MYO9A: variants seen among roughly 807,000 people sequenced by gnomAD.
MYO9A encodes the protein myosin IXA.
A neutral mutation model predicts 293.3 loss-of-function variants in MYO9A; 103 were observed. That is an observed-to-expected ratio of 0.35 (90% CI 0.30 to 0.41). MYO9A has a LOEUF of 0.41. MYO9A is among the 10% of genes least tolerant of loss of function. The pLI is 1.00. For synonymous variants in MYO9A, 1,001 were observed against 1,035.7 expected (o/e 0.97, Z 0.64); for missense variants, 2,685 against 3,033.0 (o/e 0.89, Z 2.69).
In MYO9A at chr15:71,924,814, G is replaced by T. The variant is rs566908205; in HGVS notation, c.2563-8322C>A. 8.5e-5 allele frequency among the ~76,000 whole-genome samples: 13 copies of T among 152,102 alleles called. No homozygotes were observed. The South Asian group carries it at 2.3e-3, about 27-fold the overall frequency. On this transcript the variant is annotated intron_variant, in intron 18 of 41. Coordinates refer to ENST00000356056, the MANE Select transcript of MYO9A (RefSeq NM_006901.4). Reference sequence around the variant, plus strand: ...ACATGCCTGTAACCCCAGCTATTTGGGAGGTTGAGGCAGGAGAATCGCTTG... The same window carrying T: ...ACATGCCTGTAACCCCAGCTATTTGTGAGGTTGAGGCAGGAGAATCGCTTG...
In MYO9A at chr15:71,906,758, C is replaced by CTTTTTTTTTTTTTTTTT. The variant is rs71131714; in HGVS notation, c.2686-1769_2686-1753dup. On this transcript the variant is annotated intron_variant, in intron 19 of 41. Coordinates refer to ENST00000356056, the MANE Select transcript of MYO9A (RefSeq NM_006901.4). ...CCAATCAGATAATATCCATTTCTTT[C>CTTTTTTTTTTTTTTTTT]TTTTTTTTTTTTTTTTTTTTCCTGA... Among the ~76,000 whole-genome samples the CTTTTTTTTTTTTTTTTT allele has an allele frequency of 3.1e-4, 19 of 61,032 alleles. 1 individual carries two copies. Among genetic ancestry groups the CTTTTTTTTTTTTTTTTT allele is most frequent in the African/African-American group, 1.2e-3 (19 of 15,724 alleles). 40.0% of individuals were successfully genotyped at this position (61,032 alleles called of 152,430 possible). A position where few individuals can be genotyped will look rare whatever the true frequency, so the allele number is the denominator to read the frequency against.
At position 72,117,867 on chromosome 15, in the gene MYO9A, T is replaced by A. The variant is rs2081058606; in HGVS notation, c.-259A>T. 1 of 398,118 alleles carries A rather than the reference T, an allele frequency of 2.5e-6. No homozygotes were observed. 24.7% of individuals were successfully genotyped at this position (398,118 alleles called of 1,614,324 possible). A position where few individuals can be genotyped will look rare whatever the true frequency, so the allele number is the denominator to read the frequency against. On this transcript the variant is annotated 5_prime_UTR_variant, in exon 1 of 42. Coordinates refer to ENST00000356056, the MANE Select transcript of MYO9A (RefSeq NM_006901.4). ...AGCGGCCGCGGCGCATCCCCCGCCC[T>A]GTCAGAGAGACTCCGCCCGGCCTGA...
intron 23 of MYO9A, 24 bp downstream of exon 23, chr15:71,901,167 T>G (rs768113946): frequency 3.5e-5 from 56 of 1,597,298 alleles, no homozygotes; most frequent in Non-Finnish European, 4.4e-5. Context: ...GTCAATCTCA[T>G]GCAAAGAATC....
In MYO9A at chr15:71,843,798, T is replaced by G. The variant is rs977913605; in HGVS notation, c.6837+5047A>C. 4.6e-5 allele frequency among the ~76,000 whole-genome samples: 7 copies of G among 152,336 alleles called. No homozygotes were observed. The South Asian group carries it at 6.2e-4, about 14-fold the overall frequency. Reference sequence around the variant, plus strand: ...TTTTTGGCTATTCTTATTGAGAACCTTGAAGACGACCCAGGAGGAAATTGT... The same window carrying G: ...TTTTTGGCTATTCTTATTGAGAACCGTGAAGACGACCCAGGAGGAAATTGT... On this transcript the variant is annotated intron_variant, in intron 39 of 41. Coordinates refer to ENST00000356056, the MANE Select transcript of MYO9A (RefSeq NM_006901.4).
At chr15:71,832,446 C>T (rs1410055591) in intron 39 of MYO9A, among the ~76,000 whole-genome samples, 1 of 151,996 alleles carries the variant, frequency 6.6e-6, no homozygotes, top group Non-Finnish European at 1.5e-5. Context: ...AAAAAAAAGA[C>T]TTAAAAGCGT....
intron 26 of MYO9A, chr15:71,890,839 T>G (rs1292854187): frequency 6.7e-6 from 1 of 149,892 alleles, no homozygotes; most frequent in Admixed American, 6.8e-5. Flanking sequence ...ATGACACACT[T>G]CAGAGTAATA....
rs534726955 is a variant in MYO9A, at chr15:72,113,266, A to C, written c.-72+4414T>G. 3.9e-5 allele frequency among the ~76,000 whole-genome samples: 6 copies of C among 152,332 alleles called. No individual in the cohort carries two copies. In the East Asian group the frequency reaches 1.2e-3, roughly 29 times the overall value. On this transcript the variant is annotated intron_variant, in intron 1 of 41. Transcript: ENST00000356056. ...AGAATGGTACCTAACTTAATCTGAA[A>C]AGAGGTAAAGGAAATCTTCCTGAAG... is the stretch of plus-strand genomic sequence containing the variant.
intron 15 of MYO9A, among the ~76,000 whole-genome samples, chr15:71,948,360 T>C (rs2058970363): frequency 6.6e-6 from 1 of 152,242 alleles, no homozygotes; most frequent in Non-Finnish European, 1.5e-5. Context: ...GTCCATGGCC[T>C]AAACCAAACC....
At chr15:71,914,217 G>A (rs2057944675) in intron 19 of MYO9A, among the ~76,000 whole-genome samples, 1 of 152,082 alleles carries the variant, frequency 6.6e-6, no homozygotes, top group Admixed American at 6.5e-5. Context: ...CTGAGCCGTA[G>A]CAAATCATCT....
chr15:72,098,608 T>A (rs2080144434), intron 1 of MYO9A, among the ~76,000 whole-genome samples: 1 of 151,406 alleles, frequency 6.6e-6, no homozygotes, highest in Admixed American at 6.6e-5. Flanking sequence ...GGAAAAAAAA[T>A]TAGAGAGCTA....
At chr15:71,897,209 A>G (rs2057355828) in intron 25 of MYO9A, 1 of 463,666 alleles carries the variant, frequency 2.2e-6, no homozygotes, top group South Asian at 3.9e-5. Context: ...ACTGCCCTTC[A>G]CAAATGCTTC....
At position 71,875,795 on chromosome 15, in the gene MYO9A, T is replaced by G; in HGVS notation, c.5975A>C (p.Asp1992Ala). 5.1e-6 allele frequency: 7 copies of G among 1,365,954 alleles called. No homozygotes were observed. Among genetic ancestry groups the G allele is most frequent in the Non-Finnish European group, 6.7e-6 (7 of 1,048,366 alleles). The allele number at this position is 1,365,954 out of a possible 1,614,324, so 84.6% of individuals were successfully genotyped here. The stretch of plus-strand genomic sequence containing the variant: ...AAAAAACAGATTATAACTTACCAAA[T>G]CAGTTTCCTTTTTCCTTCTTTTCTT... ...ERKKRRKKET[D>A]LVEEHNGHIF... The change falls in exon 32 of 42, where the codon GAT (aspartate) becomes GCT (alanine). Residue 1992 changes from aspartate to alanine, a missense_variant. Asp to Ala is a moderately radical substitution (Grantham distance 126). Around this residue, in one of 10 missense-constraint regions of MYO9A, gnomAD observed 1,434 missense variants for 1,497.7 expected, o/e 0.96. Transcript: ENST00000356056.
intron 18 of MYO9A, among the ~76,000 whole-genome samples, chr15:71,919,302 G>A (rs376404323): frequency 1.2e-3 from 175 of 151,948 alleles, no homozygotes; most frequent in African/African-American, 3.5e-3. Context: ...TTAGCCAGGC[G>A]TGGTGGCGAG....
chr15:72,078,133 AACAT>A (rs2079428869), intron 1 of MYO9A, among the ~76,000 whole-genome samples: 1 of 152,152 alleles, frequency 6.6e-6, no homozygotes, highest in Non-Finnish European at 1.5e-5. Flanking sequence ...TACAAAACTA[AACAT>A]ACTTTTGCCA....
intron 31 of MYO9A, among the ~76,000 whole-genome samples, chr15:71,876,662 C>T (rs573703574): frequency 4.6e-5 from 7 of 151,786 alleles, no homozygotes; most frequent in African/African-American, 1.7e-4. Flanking sequence ...TCTCGATCTC[C>T]CGACCTTGTG....
chr15:72,086,237 C>T lies in MYO9A; in HGVS notation c.-72+31443G>A, dbSNP rs2957360. On this transcript the variant is annotated intron_variant, in intron 1 of 41. Coordinates refer to ENST00000356056, the MANE Select transcript of MYO9A (RefSeq NM_006901.4). ...AGTGGTACAGGCAGCATGGCTTAAGCGGGCCCCACTGGCAACTATGCATGT... is the reference window on the plus strand; with the variant it reads ...AGTGGTACAGGCAGCATGGCTTAAGTGGGCCCCACTGGCAACTATGCATGT... Among the ~76,000 whole-genome samples, 769 of 152,262 alleles carry T rather than the reference C, an allele frequency of 5.1e-3. 8 individuals are homozygous for T. Among genetic ancestry groups the T allele is most frequent in the African/African-American group, 0.018 (736 of 41,550 alleles).
At chr15:72,035,602 A>G (rs1056223684) in intron 2 of MYO9A, among the ~76,000 whole-genome samples, 1 of 152,182 alleles carries the variant, frequency 6.6e-6, no homozygotes, top group African/African-American at 2.4e-5. Context: ...CAGGAGTTTG[A>G]GACCATCCTG....
At chr15:71,951,020 C>T (rs2059037281) in intron 15 of MYO9A, among the ~76,000 whole-genome samples, 1 of 151,992 alleles carries the variant, frequency 6.6e-6, no homozygotes, top group African/African-American at 2.4e-5. Context: ...AAATAAAGAG[C>T]AAGAAAGGAA....
rs1044404619 is a variant in MYO9A, at chr15:72,072,905, A to G, written c.-71-26271T>C. On this transcript the variant is annotated intron_variant, in intron 1 of 41. Transcript: ENST00000356056. ...ACACCCTGAATCTAAAATTTAAAATAAAAAAAAAGACACCTTCACTCATAT... is the reference window on the plus strand; with the variant it reads ...ACACCCTGAATCTAAAATTTAAAATGAAAAAAAAGACACCTTCACTCATAT... 4.0e-5 allele frequency among the ~76,000 whole-genome samples: 6 copies of G among 151,652 alleles called. 1 individual carries two copies. Among genetic ancestry groups the G allele is most frequent in the Admixed American group, 3.9e-4 (6 of 15,216 alleles).
Sources: allele counts gnomAD v4.1 joint callset (sites outside exome capture counted in the v4.1 genomes callset), GRCh38; gene constraint gnomAD v4.1.1; regional missense constraint gnomAD v4.1.1; transcripts MANE v1.5; gene names NCBI Gene and HGNC (gene_info 2026-07-23, HGNC 2026-07-21).